Variants in HYDIN observed in about 807,000 individuals in gnomAD.
HYDIN encodes HYDIN axonemal central pair apparatus protein.
A neutral mutation model predicts 403.9 loss-of-function variants in HYDIN; 132 were observed. That is an observed-to-expected ratio of 0.33 (90% CI 0.28 to 0.38). The LOEUF (loss-of-function observed/expected upper bound fraction) is 0.38, where lower values mean the gene tolerates loss of function less well. Ranked by LOEUF, HYDIN falls within the 10% of genes least tolerant of loss-of-function variation. The probability of loss-of-function intolerance (pLI) is 1.00; values close to 1 mark genes in which losing one functional copy is unlikely to be tolerated. For synonymous variants in HYDIN, 1,202 were observed against 1,891.7 expected, an observed-to-expected ratio of 0.64 and a Z score of 9.46; for missense variants, 2,827 against 5,009.5, an observed-to-expected ratio of 0.56 and a Z score of 13.15.
chr16:70,842,827 C>G (rs1456548469), intron 75 of HYDIN, among the ~76,000 whole-genome samples: 1 of 151,738 alleles, frequency 6.6e-6, no homozygotes, highest in Non-Finnish European at 1.5e-5. Flanking sequence ...TTTTATTCTT[C>G]TATTCCTCCA....
chr16:70,954,103 C>T (rs1249486968), intron 40 of HYDIN, among the ~76,000 whole-genome samples: 1 of 24,172 alleles, frequency 4.1e-5, no homozygotes, highest in Non-Finnish European at 8.1e-5. Flanking sequence ...AGCTGCTCGC[C>T]TGCCCTGAAG....
chr16:70,945,914 G>A (rs71403810), intron 41 of HYDIN, among the ~76,000 whole-genome samples: 1 of 152,344 alleles, frequency 6.6e-6, no homozygotes, highest in South Asian at 2.1e-4. Context: ...TGAGGACGAG[G>A]AGGCAGGCAA....
At chr16:71,065,003 T>C (rs1471978101) in intron 15 of HYDIN, among the ~76,000 whole-genome samples, 163 bp from the exon 16 acceptor site, 3 of 152,214 alleles carry the variant, frequency 2.0e-5, no homozygotes, top group African/African-American at 4.8e-5. Context: ...CTTCCCTGTC[T>C]CTTGGCCCCC....
intron 13 of HYDIN, among the ~76,000 whole-genome samples, chr16:71,070,273 CCT>C (rs201842768): frequency 0.032 from 4,526 of 140,456 alleles, 182 homozygotes; most frequent in African/African-American, 0.097. Context: ...CTTTCTCTCT[CCT>C]TCCTTCCTTC....
At chr16:71,227,891 C>T (rs538146756) in intron 1 of HYDIN, among the ~76,000 whole-genome samples, 107 of 152,214 alleles carry the variant, frequency 7.0e-4, no homozygotes, top group South Asian at 4.8e-3. Context: ...AGAGGCATCA[C>T]GCTACCTGAC....
intron 23 of HYDIN, among the ~76,000 whole-genome samples, chr16:71,005,539 T>C (rs1406233743): frequency 6.6e-5 from 10 of 152,188 alleles, no homozygotes; most frequent in South Asian, 2.1e-4. Context: ...GAAATAAATA[T>C]CTCTTGTTTA....
intron 39 of HYDIN, chr16:70,959,199 T>C (rs1374013926): frequency 6.5e-6 from 1 of 152,860 alleles, no homozygotes; most frequent in Non-Finnish European, 1.5e-5. Flanking sequence ...GTTAGGAAAA[T>C]ATTCCTTGAG....
At position 71,124,122 on chromosome 16, in the gene HYDIN, A is replaced by G. The variant is rs577616183; in HGVS notation, c.1227+5518T>C. 8.6e-3 allele frequency among the ~76,000 whole-genome samples: 1,305 copies of G among 151,130 alleles called. 18 individuals are homozygous for G. The highest frequency in any genetic ancestry group is 0.03 in the African/African-American group (1,225 of 41,152). On this transcript the variant is annotated intron_variant, in intron 9 of 85. Transcript: ENST00000393567. The stretch of plus-strand genomic sequence containing the variant: ...CCGTCTGTTCGATCACAAGGAAGAG[A>G]GGGAACCAAGCAGCCCTGGTACTGT...
chr16:71,022,842 A>G (rs1349821991), intron 21 of HYDIN, among the ~76,000 whole-genome samples: 1 of 151,064 alleles, frequency 6.6e-6, no homozygotes, highest in Non-Finnish European at 1.5e-5. Flanking sequence ...AAATATGTAC[A>G]TATTTTAATC....
At chr16:70,906,963 A>G (rs2076554118) in intron 50 of HYDIN, among the ~76,000 whole-genome samples, 1 of 152,178 alleles carries the variant, frequency 6.6e-6, no homozygotes, top group African/African-American at 2.4e-5. Context: ...TCTTACCTGT[A>G]CAGTCCTCTC....
intron 75 of HYDIN, among the ~76,000 whole-genome samples, chr16:70,844,703 A>G (rs1046672442): frequency 1.5e-5 from 2 of 132,808 alleles, no homozygotes; most frequent in African/African-American, 5.9e-5. Flanking sequence ...ATTTGTTTGT[A>G]TCCTCTTTTA....
chr16:70,804,706 T>C lies in HYDIN; in HGVS notation c.*2874A>G, dbSNP rs2035032468. ...TGATCTTTAGCAGGGTCTACGTGAT[T>C]CTGAAACAGCAGGCACCAAACAGCT... is the stretch of plus-strand genomic sequence containing the variant. On this transcript the variant is annotated 3_prime_UTR_variant, in exon 86 of 86. Transcript: ENST00000393567. Among the ~76,000 whole-genome samples, 1 of 152,252 alleles carries C rather than the reference T, an allele frequency of 6.6e-6. No individual in the cohort carries two copies. The highest frequency in any genetic ancestry group is 1.5e-5 in the Non-Finnish European group (1 of 68,040).
intron 10 of HYDIN, among the ~76,000 whole-genome samples, chr16:71,110,292 T>A (rs1038899035): frequency 2.1e-5 from 3 of 142,270 alleles, no homozygotes; most frequent in African/African-American, 7.9e-5. Flanking sequence ...ATAATAGATA[T>A]AATAAATATA....
At chr16:71,205,298 C>G (rs1212839797) in intron 1 of HYDIN, among the ~76,000 whole-genome samples, 1 of 152,202 alleles carries the variant, frequency 6.6e-6, no homozygotes, top group Non-Finnish European at 1.5e-5. Context: ...AGCTGCGCAC[C>G]AGCCTGTCTG....
At chr16:71,186,189 T>C (rs1289401900) in intron 2 of HYDIN, among the ~76,000 whole-genome samples, 1 of 152,180 alleles carries the variant, frequency 6.6e-6, no homozygotes, top group Non-Finnish European at 1.5e-5. Context: ...TAGTGAATAC[T>C]ATCCCTGGCA....
chr16:71,156,527 G>C (rs565147898), intron 6 of HYDIN, among the ~76,000 whole-genome samples: 66 of 152,252 alleles, frequency 4.3e-4, no homozygotes, highest in African/African-American at 1.6e-3. Context: ...AAAATATTTG[G>C]TTTTGATATC....
intron 77 of HYDIN, 69 bp downstream of exon 77, chr16:70,837,621 G>A (rs2037520588): frequency 2.5e-6 from 4 of 1,575,170 alleles, no homozygotes; most frequent in Admixed American, 1.7e-5. Context: ...GGGGTTCTGG[G>A]GGGCAAAGAA....
At position 70,904,518 on chromosome 16, in the gene HYDIN, T is replaced by TTTTTTTG. The variant is rs767375464; in HGVS notation, c.8517-455_8517-454insCAAAAAA. On this transcript the variant is annotated intron_variant, in intron 50 of 85. Transcript: ENST00000393567. ...TTTTTTTTTTTTTTTTTTTTTTTTT[T>TTTTTTTG]TGAGGGAGTTTCGTTCTTGTTGCCC... Among the ~76,000 whole-genome samples the TTTTTTTG allele has an allele frequency of 7.5e-3, 278 of 37,002 alleles. 74 individuals are homozygous for TTTTTTTG. The highest frequency in any genetic ancestry group is 0.012 in the Non-Finnish European group (232 of 19,116). 24.3% of individuals were successfully genotyped at this position (37,002 alleles called of 152,430 possible).
At chr16:70,882,172 T>C (rs1303542895) in intron 60 of HYDIN, among the ~76,000 whole-genome samples, 1 of 152,180 alleles carries the variant, frequency 6.6e-6, no homozygotes, top group African/African-American at 2.4e-5. Flanking sequence ...GGGATAATAA[T>C]ACAAAGTCGG....
Sources: gnomAD v4.1 joint callset for allele counts (sites outside exome capture counted in the v4.1 genomes callset) on GRCh38, gnomAD v4.1.1 for gene constraint, MANE v1.5 for transcripts, NCBI Gene and HGNC (gene_info 2026-07-23, HGNC 2026-07-21) for gene names.